The following NTNG1 variants were observed in gnomAD, a reference collection of about 807,000 sequenced individuals.
NTNG1 encodes netrin-G1.
Under a neutral mutation model 54.0 loss-of-function variants are expected in NTNG1, and 16 were observed. The observed-to-expected ratio is 0.30, with a 90% confidence interval of 0.20 to 0.45. The LOEUF is 0.45. Among genes scored for constraint, NTNG1 ranks in the 20% least tolerant of loss-of-function variants. NTNG1 has a pLI of 1.00. For missense variants in NTNG1, 530 were observed against 678.7 expected (o/e 0.78, Z 2.43); for synonymous variants, 255 against 263.1 (o/e 0.97, Z 0.30).
intron 3 of NTNG1, among the ~76,000 whole-genome samples, chr1:107,355,220 T>C (rs1481322112): frequency 6.6e-6 from 1 of 152,024 alleles, no homozygotes; most frequent in African/African-American, 2.4e-5. Flanking sequence ...TTTGATCTGA[T>C]TGTTCAACTT....
chr1:107,336,574 C>A (rs75973841), intron 3 of NTNG1, among the ~76,000 whole-genome samples: 7,613 of 151,992 alleles, frequency 0.05, 240 homozygotes, highest in Middle Eastern at 0.085. Flanking sequence ...GCAATAATTT[C>A]TTGGATATAA....
At chr1:107,307,216 G>A (rs1385905682) in intron 2 of NTNG1, among the ~76,000 whole-genome samples, 3 of 152,178 alleles carry the variant, frequency 2.0e-5, no homozygotes, top group African/African-American at 7.2e-5. Flanking sequence ...TTTGCATTTA[G>A]ATCTGTAAGA....
intron 5 of NTNG1, among the ~76,000 whole-genome samples, chr1:107,415,661 T>A (rs1674148633): frequency 6.6e-6 from 1 of 151,802 alleles, no homozygotes; most frequent in South Asian, 2.1e-4. Flanking sequence ...CTAGTTGATT[T>A]GTGAAAAAAA....
intron 4 of NTNG1, among the ~76,000 whole-genome samples, chr1:107,402,355 G>A (rs758783382): frequency 2.0e-4 from 30 of 152,246 alleles, no homozygotes; most frequent in African/African-American, 6.5e-4. Context: ...GAAAGTTTGC[G>A]GGTTACCACT....
intron 2 of NTNG1, among the ~76,000 whole-genome samples, chr1:107,195,170 T>G (rs1378123011): frequency 6.6e-6 from 1 of 152,168 alleles, no homozygotes; most frequent in East Asian, 1.9e-4. Context: ...TTTTCTATGT[T>G]AAGCTTCACT....
At chr1:107,264,393 A>G (rs1007279580) in intron 2 of NTNG1, among the ~76,000 whole-genome samples, 4 of 152,178 alleles carry the variant, frequency 2.6e-5, no homozygotes. Context: ...TGGCTTTATT[A>G]AAGAAGCAAC....
chr1:107,301,610 AG>A (rs1470759103), intron 2 of NTNG1, among the ~76,000 whole-genome samples: 1 of 152,206 alleles, frequency 6.6e-6, no homozygotes, highest in Non-Finnish European at 1.5e-5. Context: ...GAAATTTTAA[AG>A]GATGAGATAA....
chr1:107,325,530 G>A (rs1320369858), intron 3 of NTNG1, among the ~76,000 whole-genome samples: 3 of 152,158 alleles, frequency 2.0e-5, no homozygotes, highest in African/African-American at 7.2e-5. Flanking sequence ...TCATCTTGTA[G>A]ATTAATCACA....
intron 2 of NTNG1, among the ~76,000 whole-genome samples, chr1:107,234,813 A>G (rs984156502): frequency 1.3e-5 from 2 of 152,206 alleles, no homozygotes; most frequent in East Asian, 3.9e-4. Flanking sequence ...ATGTGCTGCT[A>G]TTGAACCCAC....
chr1:107,345,257 CAG>C (rs1669145934), intron 3 of NTNG1, among the ~76,000 whole-genome samples: 1 of 152,138 alleles, frequency 6.6e-6, no homozygotes, highest in Non-Finnish European at 1.5e-5. Flanking sequence ...TGCTTGATGA[CAG>C]AATTAGTTAT....
rs1447137366 is a variant in NTNG1, at chr1:107,245,647, G to A, written c.247-78635G>A. Among the ~76,000 whole-genome samples, 9 of 152,190 alleles carry A rather than the reference G, an allele frequency of 5.9e-5. No individual in the cohort carries two copies. In the South Asian group the frequency reaches 1.7e-3, roughly 28 times the overall value. On this transcript the variant is annotated intron_variant, in intron 2 of 7. Transcript: ENST00000370068. ...TACTTATTTGAATGATTTACAGAAC[G>A]TTAATCTAGGAAAATACTTTCATTG...
At chr1:107,410,541 T>C (rs1450916340) in intron 5 of NTNG1, 1 of 152,190 alleles carries the variant, frequency 6.6e-6, no homozygotes, top group Admixed American at 6.5e-5. Context: ...ATGCTGGTGA[T>C]ATTGTCAGCA....
At chr1:107,294,233 A>G (rs1305932147) in intron 2 of NTNG1, among the ~76,000 whole-genome samples, 1 of 152,196 alleles carries the variant, frequency 6.6e-6, no homozygotes, top group Non-Finnish European at 1.5e-5. Context: ...TTAATTTGAT[A>G]AGACTGAGGT....
chr1:107,431,014 C>G, intron 6 of NTNG1, 97 bp downstream of exon 6: 1 of 1,067,234 alleles, frequency 9.4e-7, no homozygotes, highest in South Asian at 1.6e-5. Context: ...CGCGGTTGAG[C>G]CAGAATGAAC....
chr1:107,266,621 T>G (rs915228450), intron 2 of NTNG1, among the ~76,000 whole-genome samples: 2 of 151,904 alleles, frequency 1.3e-5, no homozygotes, highest in African/African-American at 4.8e-5. Flanking sequence ...ACATTGTTTT[T>G]TTTTTTTTTT....
At chr1:107,269,875 A>G (rs542686653) in intron 2 of NTNG1, among the ~76,000 whole-genome samples, 1 of 152,338 alleles carries the variant, frequency 6.6e-6, no homozygotes, top group East Asian at 1.9e-4. Context: ...ACACATAGAC[A>G]TCAGCAGCTT....
chr1:107,417,505 C>A (rs892670258), intron 5 of NTNG1, among the ~76,000 whole-genome samples: 1 of 152,108 alleles, frequency 6.6e-6, no homozygotes, highest in African/African-American at 2.4e-5. Context: ...CTCTGCAAGG[C>A]TTTGCCCTTC....
rs979076718 is a variant in NTNG1 at position 107,148,492 on chromosome 1, C to A, written c.-102C>A. 8.3e-6 allele frequency: 9 copies of A among 1,082,458 alleles called. No individual in the cohort carries two copies. The highest frequency in any genetic ancestry group is 1.2e-5 in the Non-Finnish European group (9 of 735,834). The allele number at this position is 1,082,458 out of a possible 1,614,324, so 67.1% of individuals were successfully genotyped here. A position where few individuals can be genotyped will look rare whatever the true frequency, so the allele number is the denominator to read the frequency against. ...AAATACAGAGACCTACCTACCCGTA[C>A]GCATACATACATATGTGTATATATA... On this transcript the variant is annotated 5_prime_UTR_variant, in exon 2 of 8. Transcript: ENST00000370068.
Position 107,480,661 on chromosome 1 carries a change from C to T in NTNG1, c.1441C>T (p.His481Tyr). 2.5e-6 allele frequency: 4 copies of T among 1,598,594 alleles called. No individual in the cohort carries two copies. Among genetic ancestry groups the T allele is most frequent in the Non-Finnish European group, 3.4e-6 (4 of 1,171,042 alleles). The change falls in exon 8 of 8, where the codon CAC (histidine) becomes TAC (tyrosine). Residue 481 changes from histidine to tyrosine, a missense_variant. By Grantham distance (83) the His-to-Tyr change is moderately conservative (BLOSUM62 2). Transcript: ENST00000370068. The part of the protein sequence containing the change: ...LLHCQNGGTC[H>Y]NNVRCLCPAA... ...GCACTGCCAGAACGGAGGGACGTGCCACAACAACGTGCGCTGCCTGTGCCC... is the reference window on the plus strand; with the variant it reads ...GCACTGCCAGAACGGAGGGACGTGCTACAACAACGTGCGCTGCCTGTGCCC...
Sources: gnomAD v4.1 joint callset for allele counts (sites outside exome capture counted in the v4.1 genomes callset) on GRCh38, gnomAD v4.1.1 for gene constraint, MANE v1.5 for transcripts, NCBI Gene and HGNC (gene_info 2026-07-23, HGNC 2026-07-21) for gene names.